SNRNP48: variants seen among roughly 807,000 people sequenced by gnomAD.
SNRNP48 encodes small nuclear ribonucleoprotein U11/U12 subunit 48.
In SNRNP48, 43 loss-of-function variants were observed where a neutral mutation model predicts 47.0. The observed-to-expected ratio is 0.92, with a 90% confidence interval of 0.72 to 1.18. The LOEUF (loss-of-function observed/expected upper bound fraction) is 1.18, where lower values mean the gene tolerates loss of function less well. Ranked by LOEUF, SNRNP48 falls within the 50% of genes most tolerant of loss-of-function variation. The pLI is 0.00. For missense variants in SNRNP48, 396 were observed against 422.2 expected (o/e 0.94, Z 0.54); for synonymous variants, 138 against 144.0 (o/e 0.96, Z 0.30).
In SNRNP48 at chr6:7,609,629, G is replaced by T. The variant is rs1760195502; in HGVS notation, c.*756G>T. ...GAGGTATAGATGAGAGATTAGGGGT[G>T]CAAATCAGGATTGGGAGGGTGGTCA... On this transcript the variant is annotated 3_prime_UTR_variant, in exon 9 of 9. Transcript: ENST00000342415. 6.6e-6 allele frequency: 1 copy of T among 152,122 alleles called. No individual in the cohort carries two copies. Among genetic ancestry groups the T allele is most frequent in the East Asian group, 1.9e-4 (1 of 5,202 alleles). 9.4% of individuals were successfully genotyped at this position (152,122 alleles called of 1,614,324 possible).
chr6:7,599,545 A>T, intron 4 of SNRNP48: 1 of 466,306 alleles, frequency 2.1e-6, no homozygotes, highest in Non-Finnish European at 3.3e-6. Flanking sequence ...CATTTTGAAA[A>T]TTTACATTTT....
chr6:7,598,515 T>G (rs1759950155), intron 4 of SNRNP48, among the ~76,000 whole-genome samples: 2 of 152,106 alleles, frequency 1.3e-5, no homozygotes, highest in Non-Finnish European at 2.9e-5. Flanking sequence ...AAAAAAATTT[T>G]TTTTTATATC....
At chr6:7,599,276 A>T (rs906429058) in intron 4 of SNRNP48, among the ~76,000 whole-genome samples, 2 of 152,212 alleles carry the variant, frequency 1.3e-5, no homozygotes, top group African/African-American at 4.8e-5. Flanking sequence ...AGTAACAAGA[A>T]TGAGAATTGG....
At chr6:7,602,260 A>C (rs1447191130) in intron 5 of SNRNP48, among the ~76,000 whole-genome samples, 2 of 152,214 alleles carry the variant, frequency 1.3e-5, no homozygotes, top group African/African-American at 4.8e-5. Context: ...TTGAGCATCC[A>C]TGGATTTTGA....
intron 4 of SNRNP48, 149 bp downstream of exon 4, chr6:7,595,250 G>A (rs753385572): frequency 1.6e-5 from 10 of 617,054 alleles, no homozygotes; most frequent in East Asian, 6.7e-5. Context: ...AATTTGCTTC[G>A]TTTCAACTTC....
At chr6:7,606,811 A>G (rs767027233) in intron 8 of SNRNP48, among the ~76,000 whole-genome samples, 1 of 152,246 alleles carries the variant, frequency 6.6e-6, no homozygotes, top group Non-Finnish European at 1.5e-5. Flanking sequence ...CTCTTTCCCC[A>G]GCATTACTGT....
chr6:7,607,228 A>G (rs946228873), intron 8 of SNRNP48, among the ~76,000 whole-genome samples: 2 of 152,184 alleles, frequency 1.3e-5, no homozygotes, highest in African/African-American at 4.8e-5. Flanking sequence ...TGAAGCAGGA[A>G]GATTGCTTGA....
rs760582146 is a variant in SNRNP48 at position 7,590,380 on chromosome 6, T to G, written c.123T>G (p.Asp41Glu). The G allele has an allele frequency of 7.4e-7, 1 of 1,357,380 alleles. No homozygotes were observed. The highest frequency in any genetic ancestry group is 9.6e-7 in the Non-Finnish European group (1 of 1,043,010). The allele number at this position is 1,357,380 out of a possible 1,614,324, so 84.1% of individuals were successfully genotyped here. A position where few individuals can be genotyped will look rare whatever the true frequency, so the allele number is the denominator to read the frequency against. The change falls in exon 1 of 9, where the codon GAT becomes GAG. Residue 41 changes from aspartate to glutamate, a missense_variant. Asp to Glu is a conservative substitution (Grantham distance 45, BLOSUM62 2). Transcript: ENST00000342415. ...CCGCGTCCCTGGGCTGGGACCTAGA[T>G]AGTCTGGATCCCGGGGAAGAGGAGG... Reference protein sequence around the residue: ...EVTASLGWDLDSLDPGEEEAA... With the variant: ...EVTASLGWDLESLDPGEEEAA...
intron 1 of SNRNP48, among the ~76,000 whole-genome samples, chr6:7,590,913 G>A (rs1759805152): frequency 6.6e-6 from 1 of 152,234 alleles, no homozygotes; most frequent in Non-Finnish European, 1.5e-5. Flanking sequence ...AGGAGGTCGA[G>A]GCTGCAGTGA....
At chr6:7,597,371 T>C (rs184415832) in intron 4 of SNRNP48, among the ~76,000 whole-genome samples, 5 of 152,352 alleles carry the variant, frequency 3.3e-5, no homozygotes, top group Non-Finnish European at 7.3e-5. Context: ...AAACTTCATA[T>C]CTCTGCATAC....
rs550797733 is a variant in SNRNP48 at position 7,596,827 on chromosome 6, A to T, written c.406+1726A>T. 3.1e-4 allele frequency among the ~76,000 whole-genome samples: 47 copies of T among 152,302 alleles called. No homozygotes were observed. In the South Asian group the frequency reaches 7.5e-3, roughly 24 times the overall value. On this transcript the variant is annotated intron_variant, in intron 4 of 8. Transcript: ENST00000342415. ...GCTCATATCCCCTGGTAGTGTACCCATAAAAAAGTTGAGGTTTTTGGTTTT... is the reference window on the plus strand; with the variant it reads ...GCTCATATCCCCTGGTAGTGTACCCTTAAAAAAGTTGAGGTTTTTGGTTTT...
rs1760118955 is a variant in SNRNP48 at position 7,606,030 on chromosome 6, G to C, written c.807-1G>C. The C allele has an allele frequency of 1.3e-6, 2 of 1,594,926 alleles. No homozygotes were observed. The highest frequency in any genetic ancestry group is 1.7e-6 in the Non-Finnish European group (2 of 1,174,990). ...GATTAACATTCTTTTCTGTGTTTTA[G>C]GAATGAAGAAAGGCGATCAGCTTCA... On this transcript the variant is annotated splice_acceptor_variant, in intron 7 of 8. Coordinates refer to ENST00000342415, the MANE Select transcript of SNRNP48 (RefSeq NM_152551.4). LOFTEE classifies it high-confidence loss of function.
Position 7,594,655 on chromosome 6 carries a change from G to GAT in SNRNP48, c.332-360_332-359dup, listed in dbSNP as rs200925090. 4.5e-4 allele frequency among the ~76,000 whole-genome samples: 69 copies of GAT among 151,886 alleles called. 1 individual carries two copies. The highest frequency in any genetic ancestry group is 6.9e-4 in the Non-Finnish European group (47 of 67,904). On this transcript the variant is annotated intron_variant, in intron 3 of 8. Coordinates refer to ENST00000342415, the MANE Select transcript of SNRNP48 (RefSeq NM_152551.4). ...TAATAGCACTTTGCGAAGATTAAGT[G>GAT]ATATATATATATAATATTCTTAGAA...
chr6:7,597,720 C>G (rs1272335023), intron 4 of SNRNP48, among the ~76,000 whole-genome samples: 4 of 152,038 alleles, frequency 2.6e-5, no homozygotes, highest in Non-Finnish European at 5.9e-5. Context: ...GAGATTTGGA[C>G]ATTGAGCTTA....
At chr6:7,590,569 G>C (rs2744385) in intron 1 of SNRNP48, among the ~76,000 whole-genome samples, 156 bp downstream of exon 1, 84,657 of 151,984 alleles carry the variant, frequency 0.56, 23,832 homozygotes, top group Middle Eastern at 0.6. Flanking sequence ...AGGGGCGCCG[G>C]GGGCCCTGGA....
chr6:7,595,094 T>G lies in SNRNP48; in HGVS notation c.399T>G (p.Tyr133Ter). Reference sequence around the variant, plus strand: ...CAGTTGGGAAAGACAGTGATTGTTATAATCAAAGTAAGTGGCATTACAGTT... The same window carrying G: ...CAGTTGGGAAAGACAGTGATTGTTAGAATCAAAGTAAGTGGCATTACAGTT... Reference protein sequence around the residue: ...RTAVGKDSDCYNQRIYSSLPV... With the variant: ...RTAVGKDSDC Residue 133 changes from tyrosine to a stop codon, truncating the protein, a stop_gained, in exon 4 of 9, where the codon TAT becomes TAG. Coordinates refer to ENST00000342415, the MANE Select transcript of SNRNP48 (RefSeq NM_152551.4). LOFTEE classifies it high-confidence loss of function. 6.3e-7 allele frequency: 1 copy of G among 1,592,786 alleles called. No homozygotes were observed. The highest frequency in any genetic ancestry group is 8.5e-7 in the Non-Finnish European group (1 of 1,172,494).
In SNRNP48 at chr6:7,593,525, A is replaced by G. The variant is rs538661261; in HGVS notation, c.157-209A>G. Among the ~76,000 whole-genome samples the G allele has an allele frequency of 2.6e-5, 4 of 152,146 alleles. No individual in the cohort carries two copies. In the South Asian group the frequency reaches 8.3e-4, roughly 32 times the overall value. ...CTTTCAAAGAGTTAGGCTTTGAAGG[A>G]GTGGAGAGAGGACAGGGGCATTTAG... On this transcript the variant is annotated intron_variant, in intron 1 of 8. Transcript: ENST00000342415.
At chr6:7,602,233 C>T (rs1760038144) in intron 5 of SNRNP48, among the ~76,000 whole-genome samples, 1 of 152,032 alleles carries the variant, frequency 6.6e-6, no homozygotes, top group Admixed American at 6.6e-5. Flanking sequence ...AATACTACAC[C>T]ATTTTATATC....
intron 8 of SNRNP48, among the ~76,000 whole-genome samples, chr6:7,607,953 A>C (rs1760162729): frequency 6.6e-6 from 1 of 152,188 alleles, no homozygotes; most frequent in South Asian, 2.1e-4. Context: ...TTTTTGATTC[A>C]TATGCTGTTT....
Sources: gnomAD v4.1 joint callset for allele counts (sites outside exome capture counted in the v4.1 genomes callset) on GRCh38, gnomAD v4.1.1 for gene constraint, MANE v1.5 for transcripts, NCBI Gene and HGNC (gene_info 2026-07-23, HGNC 2026-07-21) for gene names.